The following ETFRF1 variants were observed in gnomAD, a reference collection of about 807,000 sequenced individuals.
ETFRF1 encodes LYR motif containing 5.
A neutral mutation model predicts 9.0 loss-of-function variants in ETFRF1; 12 were observed. The ratio of observed to expected loss-of-function variants is 1.34; its 90% CI spans 0.86 to 2.16. ETFRF1 has a LOEUF of 2.16. ETFRF1 is among the 30% of genes most tolerant of loss of function. The pLI, the probability that ETFRF1 is intolerant of heterozygous loss-of-function variation, is 0.00. For synonymous variants in ETFRF1, 34 were observed against 33.2 expected (o/e 1.02, Z -0.08); for missense variants, 98 against 101.8 (o/e 0.96, Z 0.16).
Position 25,204,007 on chromosome 12 carries a change from T to TGTAA in ETFRF1, c.51+5_51+8dup, listed in dbSNP as rs1258066303. ...GAGAAGTACTAAAACTTTATAAAAA[T>TGTAA]GTAAGTAATTATGTTGCCAATTTTA... On this transcript the variant is annotated frameshift_variant and splice_region_variant. Transcript: ENST00000381356. 2 of 1,509,186 alleles carry TGTAA rather than the reference T, an allele frequency of 1.3e-6. No individual in the cohort carries two copies. The highest frequency in any genetic ancestry group is 1.8e-6 in the Non-Finnish European group (2 of 1,129,326). The allele number at this position is 1,509,186 out of a possible 1,614,324, so 93.5% of individuals were successfully genotyped here.
intron 1 of ETFRF1, among the ~76,000 whole-genome samples, chr12:25,198,915 T>G (rs1205391377): frequency 6.6e-6 from 1 of 152,158 alleles, no homozygotes; most frequent in Non-Finnish European, 1.5e-5. Context: ...CCCCAAGTTC[T>G]GTGTAGCCAT....
At chr12:25,203,030 T>A (rs867874084) in intron 1 of ETFRF1, among the ~76,000 whole-genome samples, 85 of 152,336 alleles carry the variant, frequency 5.6e-4, no homozygotes, top group African/African-American at 1.9e-3. Flanking sequence ...AGTTTCTAAA[T>A]GCTATTCTCC....
intron 1 of ETFRF1, among the ~76,000 whole-genome samples, chr12:25,198,734 TA>T (rs1951051143): frequency 6.6e-6 from 1 of 152,194 alleles, no homozygotes; most frequent in Non-Finnish European, 1.5e-5. Context: ...TAACAAGTAT[TA>T]ATGTAGAAGT....
intron 1 of ETFRF1, among the ~76,000 whole-genome samples, chr12:25,202,063 CA>C (rs149050811): frequency 0.092 from 4,852 of 52,796 alleles, 307 homozygotes; most frequent in East Asian, 0.26. Flanking sequence ...TACTGAAATA[CA>C]AAAAAAAAAA....
At chr12:25,203,539 G>GA (rs1262651002) in intron 1 of ETFRF1, among the ~76,000 whole-genome samples, 6 of 152,200 alleles carry the variant, frequency 3.9e-5, no homozygotes, top group Non-Finnish European at 5.9e-5. Context: ...TGTTGATAAG[G>GA]AAAACTCAGG....
chr12:25,199,129 T>C (rs977936826), intron 1 of ETFRF1, among the ~76,000 whole-genome samples: 8 of 151,766 alleles, frequency 5.3e-5, no homozygotes, highest in African/African-American at 1.9e-4. Context: ...ATAAATTTGG[T>C]TCATATATAT....
At chr12:25,203,416 T>C (rs1951092851) in intron 1 of ETFRF1, among the ~76,000 whole-genome samples, 1 of 152,216 alleles carries the variant, frequency 6.6e-6, no homozygotes, top group African/African-American at 2.4e-5. Flanking sequence ...TTTCTGCTAG[T>C]TTTCAGCCTC....
chr12:25,204,357 T>C lies in ETFRF1; in HGVS notation c.*45T>C, dbSNP rs757634263. The stretch of plus-strand genomic sequence containing the variant: ...GCTATCAGTGCCAGCTGTTTATGTA[T>C]ACCAGATGTTGTAAAATAATTCTAA... On this transcript the variant is annotated 3_prime_UTR_variant, in exon 3 of 3. Transcript: ENST00000381356. 2.9e-6 allele frequency: 4 copies of C among 1,386,266 alleles called. No homozygotes were observed. Among genetic ancestry groups the C allele is most frequent in the Non-Finnish European group, 2.9e-6 (3 of 1,036,094 alleles). 85.9% of individuals were successfully genotyped at this position (1,386,266 alleles called of 1,614,324 possible). A position where few individuals can be genotyped will look rare whatever the true frequency, so the allele number is the denominator to read the frequency against.
rs1950954875 is a variant in ETFRF1, at chr12:25,195,258, C to T, written c.-117C>T. 1.8e-5 allele frequency: 12 copies of T among 667,420 alleles called. No homozygotes were observed. The South Asian group carries it at 1.9e-4, about 10-fold the overall frequency. The allele number at this position is 667,420 out of a possible 1,614,324, so 41.3% of individuals were successfully genotyped here. On this transcript the variant is annotated 5_prime_UTR_variant, in exon 1 of 3. Transcript: ENST00000381356. ...CTTTACTGACAGGTTGCCCACCTCCCCCAACGCCACCCCGCTTCGCAGTAG... is the reference window on the plus strand; with the variant it reads ...CTTTACTGACAGGTTGCCCACCTCCTCCAACGCCACCCCGCTTCGCAGTAG...
chr12:25,198,371 C>T (rs917317313), intron 1 of ETFRF1, among the ~76,000 whole-genome samples: 12 of 152,168 alleles, frequency 7.9e-5, no homozygotes, highest in African/African-American at 2.9e-4. Flanking sequence ...ATCAGAGGTT[C>T]CCCAGTAAAG....
rs371197215 is a variant in ETFRF1, at chr12:25,204,136, A to G, written c.97A>G (p.Lys33Glu). 9.3e-5 allele frequency: 149 copies of G among 1,607,896 alleles called. No individual in the cohort carries two copies. Among genetic ancestry groups the G allele is most frequent in the East Asian group, 2.2e-5 (1 of 44,762 alleles). ...RDYPKGADYF[K>E]KRLKNIFLKN... Reference sequence around the variant, plus strand: ...CTATCCAAAAGGAGCAGACTATTTTAAAAAGCGTTTGAAGAACATTTTCCT... The same window carrying G: ...CTATCCAAAAGGAGCAGACTATTTTGAAAAGCGTTTGAAGAACATTTTCCT... The change falls in exon 3 of 3, where the codon AAA (lysine) becomes GAA (glutamate). Residue 33 changes from lysine to glutamate, a missense_variant. Coordinates refer to ENST00000381356, the MANE Select transcript of ETFRF1 (RefSeq NM_001001660.3).
chr12:25,199,658 TCAC>T (rs1408553349), intron 1 of ETFRF1, among the ~76,000 whole-genome samples: 1 of 121,504 alleles, frequency 8.2e-6, no homozygotes, highest in Non-Finnish European at 1.9e-5. Flanking sequence ...AATGAAGCCA[TCAC>T]CACAATCAAG....
intron 1 of ETFRF1, chr12:25,196,169 C>T (rs1950998470): frequency 6.6e-6 from 1 of 152,138 alleles, no homozygotes; most frequent in African/African-American, 2.4e-5. Context: ...CCTATTGTAA[C>T]CTGTAACTAT....
In ETFRF1 at chr12:25,204,510, T is replaced by C; in HGVS notation, c.*198T>C. On this transcript the variant is annotated 3_prime_UTR_variant, in exon 3 of 3. Coordinates refer to ENST00000381356, the MANE Select transcript of ETFRF1 (RefSeq NM_001001660.3). ...TTTATGCTCAATTTTGATACAAACA[T>C]AGCAATTTAGCTATACTACCGATCA... The C allele has an allele frequency of 2.4e-6, 1 of 414,202 alleles. No individual in the cohort carries two copies. The highest frequency in any genetic ancestry group is 4.2e-6 in the Non-Finnish European group (1 of 237,366). 25.7% of individuals were successfully genotyped at this position (414,202 alleles called of 1,614,324 possible). A position where few individuals can be genotyped will look rare whatever the true frequency, so the allele number is the denominator to read the frequency against.
At chr12:25,198,068 G>A (rs1041988959) in intron 1 of ETFRF1, among the ~76,000 whole-genome samples, 4 of 152,058 alleles carry the variant, frequency 2.6e-5, no homozygotes, top group African/African-American at 7.2e-5. Context: ...ACTGAAACAC[G>A]CACCCTGAAA....
intron 1 of ETFRF1, 200 bp downstream of exon 1, chr12:25,195,537 T>C: frequency 4.1e-6 from 1 of 242,470 alleles, no homozygotes; most frequent in South Asian, 5.0e-5. Flanking sequence ...GACTGGTTCA[T>C]GCAGCGGACA....
At chr12:25,196,549 A>T (rs1951012973) in intron 1 of ETFRF1, among the ~76,000 whole-genome samples, 1 of 152,212 alleles carries the variant, frequency 6.6e-6, no homozygotes, top group Non-Finnish European at 1.5e-5. Flanking sequence ...ATTAGCCTGG[A>T]ACTGGAACTG....
chr12:25,196,849 C>T (rs1342084282), intron 1 of ETFRF1, among the ~76,000 whole-genome samples: 1 of 152,128 alleles, frequency 6.6e-6, no homozygotes, highest in African/African-American at 2.4e-5. Context: ...GCTTCAAGGT[C>T]AACTGCATAA....
At chr12:25,201,875 G>T (rs1018006252) in intron 1 of ETFRF1, among the ~76,000 whole-genome samples, 1 of 151,740 alleles carries the variant, frequency 6.6e-6, no homozygotes, top group African/African-American at 2.4e-5. Flanking sequence ...CACATTTTCT[G>T]CTAGTTAACT....
Sources: gnomAD v4.1 joint callset for allele counts (sites outside exome capture counted in the v4.1 genomes callset) on GRCh38, gnomAD v4.1.1 for gene constraint, MANE v1.5 for transcripts, NCBI Gene and HGNC (gene_info 2026-07-23, HGNC 2026-07-21) for gene names.